The following TG variants were observed in gnomAD, a reference collection of about 807,000 sequenced individuals.
The protein encoded by TG is thyroid hormones.
Under a neutral mutation model 324.7 loss-of-function variants are expected in TG, and 270 were observed. The observed-to-expected ratio is 0.83, with a 90% CI of 0.75 to 0.92. TG has a LOEUF of 0.92. TG is among the 40% of genes least tolerant of loss of function. The pLI is 0.00. For missense variants in TG, 3,591 were observed against 3,456.4 expected, an observed-to-expected ratio of 1.04 and a Z score of -0.98; for synonymous variants, 1,401 against 1,327.0, an observed-to-expected ratio of 1.06 and a Z score of -1.21.
chr8:132,893,807 C>T lies in TG; in HGVS notation c.2879C>T (p.Ala960Val). The T allele has an allele frequency of 6.2e-7, 1 of 1,614,016 alleles. No homozygotes were observed. Among genetic ancestry groups the T allele is most frequent in the Non-Finnish European group, 8.5e-7 (1 of 1,179,932 alleles). Residue 960 changes from alanine (A) to valine (V), a missense_variant, in exon 11 of 48, where the codon GCC (alanine) becomes GTC (valine). Physicochemically the swap from Ala to Val is moderately conservative, Grantham distance 64. Coordinates refer to ENST00000220616, the MANE Select transcript of TG (RefSeq NM_003235.5). ...RFPLGESFLV[A>V]KGIRLRNEDL... The stretch of plus-strand genomic sequence containing the variant: ...CCTCTGGGGGAGAGTTTCCTGGTGG[C>T]CAAGGGAATCCGGCTGAGGAATGAG...
chr8:132,906,404 G>C lies in TG; in HGVS notation c.3635-284G>C, dbSNP rs561697991. On this transcript the variant is annotated intron_variant, in intron 16 of 47. Transcript: ENST00000220616. ...ACCAGGTGGTAACTAATTGGCTTTA[G>C]AGATGAGAAGAAGCTCGAGTGCCTG... 2.6e-5 allele frequency among the ~76,000 whole-genome samples: 4 copies of C among 152,226 alleles called. No individual in the cohort carries two copies. The East Asian group carries it at 7.8e-4, about 30-fold the overall frequency.
chr8:133,042,806 G>T (rs1173787967), intron 41 of TG, among the ~76,000 whole-genome samples: 1 of 144,290 alleles, frequency 6.9e-6, no homozygotes, highest in East Asian at 2.1e-4. Context: ...TGATTCCCCT[G>T]CCTCAGCCTT....
rs184897441 is a variant in TG, at chr8:132,931,062, G to A, written c.4816+1870G>A. Among the ~76,000 whole-genome samples, 147 of 152,332 alleles carry A rather than the reference G, an allele frequency of 9.6e-4. 1 individual carries two copies. Among genetic ancestry groups the A allele is most frequent in the Admixed American group, 5.4e-3 (83 of 15,302 alleles). ...CTTAAACAACAAAATGGATTTTCTT[G>A]TAATTCTGGAGGCCAGAAGTCCAGG... On this transcript the variant is annotated intron_variant, in intron 23 of 47. Transcript: ENST00000220616.
chr8:132,879,726 G>A (rs532260368), intron 5 of TG, among the ~76,000 whole-genome samples: 21 of 152,314 alleles, frequency 1.4e-4, no homozygotes, highest in Non-Finnish European at 2.4e-4. Context: ...TGAAGACAGG[G>A]TGATCTCCAA....
intron 41 of TG, among the ~76,000 whole-genome samples, chr8:133,064,801 T>G (rs1842831703): frequency 6.6e-6 from 1 of 152,226 alleles, no homozygotes; most frequent in Non-Finnish European, 1.5e-5. Flanking sequence ...CTTCCATTCC[T>G]GGGACAGTGT....
intron 41 of TG, among the ~76,000 whole-genome samples, chr8:133,075,523 T>C (rs1564157218): frequency 6.6e-6 from 1 of 152,244 alleles, no homozygotes; most frequent in Non-Finnish European, 1.5e-5. Context: ...GATAATACTG[T>C]TCCAGTCTTA....
At chr8:133,068,010 G>C (rs1216331552) in intron 41 of TG, among the ~76,000 whole-genome samples, 2 of 152,110 alleles carry the variant, frequency 1.3e-5, no homozygotes, top group Non-Finnish European at 2.9e-5. Context: ...AGATGAAAGG[G>C]AGTAGCTGCC....
chr8:133,066,733 T>C (rs907348503), intron 41 of TG, among the ~76,000 whole-genome samples: 7 of 152,208 alleles, frequency 4.6e-5, no homozygotes, highest in Non-Finnish European at 8.8e-5. Context: ...TGAGCCTTGA[T>C]TTTCAAATCC....
Position 133,029,858 on chromosome 8 carries a change from C to T in TG, c.7074C>T (p.Asp2358=), listed in dbSNP as rs1836456729. 6.2e-7 allele frequency: 1 copy of T among 1,614,198 alleles called. No individual in the cohort carries two copies. Among genetic ancestry groups the T allele is most frequent in the Non-Finnish European group, 8.5e-7 (1 of 1,180,014 alleles). ...TGAGTGGCAACTGGGGGCTGCTGGA[C>T]CAGGTGGCGGCTCTGACCTGGGTGC... ...GEVSGNWGLL[D]QVAALTWVQT... is the part of the protein sequence containing the mutation. The change falls in exon 41 of 48, where the codon GAC becomes GAT. Residue 2358 remains aspartate, a synonymous_variant. Coordinates refer to ENST00000220616, the MANE Select transcript of TG (RefSeq NM_003235.5).
chr8:132,971,753 A>C (rs1429969607), intron 32 of TG, 41 bp from the exon 33 acceptor site: 1 of 1,440,264 alleles, frequency 6.9e-7, no homozygotes, highest in Non-Finnish European at 9.8e-7. Context: ...CTGGGTCACC[A>C]GTGAAAACCT....
rs1828003358 is a variant in TG at position 132,963,100 on chromosome 8, C to T, written c.5548+26C>T. On this transcript the variant is annotated intron_variant, in intron 29 of 47. Transcript: ENST00000220616. ...GTACTGACCCCCAAACCTTCTTACA[C>T]ACTTGGGTGTCTGAATGCAGAGACT... 4.4e-6 allele frequency: 7 copies of T among 1,608,816 alleles called. No homozygotes were observed. In the South Asian group the frequency reaches 5.5e-5, roughly 13 times the overall value.
At chr8:132,898,995 C>A in intron 14 of TG, 85 bp downstream of exon 14, 1 of 1,210,278 alleles carries the variant, frequency 8.3e-7, no homozygotes, top group Non-Finnish European at 1.2e-6. Flanking sequence ...ATACGTTCAG[C>A]TTAGTTAAAA....
At chr8:132,927,297 A>G (rs987088349) in intron 22 of TG, among the ~76,000 whole-genome samples, 34 of 151,918 alleles carry the variant, frequency 2.2e-4, no homozygotes, top group Admixed American at 1.7e-3. Context: ...CATCCATTCA[A>G]TATACAGGAA....
At chr8:132,935,965 C>T in intron 25 of TG, 101 bp downstream of exon 25, 1 of 878,212 alleles carries the variant, frequency 1.1e-6, no homozygotes, top group Non-Finnish European at 1.9e-6. Context: ...GCCAGACTGT[C>T]CCGCTCCCCA....
At chr8:132,974,731 A>G (rs1392757067) in intron 34 of TG, among the ~76,000 whole-genome samples, 1 of 152,228 alleles carries the variant, frequency 6.6e-6, no homozygotes, top group Non-Finnish European at 1.5e-5. Flanking sequence ...ATAAACTAAC[A>G]AATCAAACCA....
At chr8:132,961,493 G>C (rs1827756599) in intron 28 of TG, among the ~76,000 whole-genome samples, 1 of 152,214 alleles carries the variant, frequency 6.6e-6, no homozygotes, top group South Asian at 2.1e-4. Flanking sequence ...CCTGCTCAGA[G>C]ATAATGCTAC....
intron 37 of TG, among the ~76,000 whole-genome samples, chr8:133,014,941 A>G (rs941072719): frequency 2.4e-4 from 37 of 152,140 alleles, no homozygotes; most frequent in African/African-American, 8.7e-4. Flanking sequence ...GCTGGAGTGC[A>G]GTTGCACAAT....
chr8:133,106,322 G>C (rs1849803437), intron 43 of TG: 2 of 827,302 alleles, frequency 2.4e-6, no homozygotes, highest in Non-Finnish European at 2.9e-6. Context: ...TGAGGGGCCA[G>C]TCGGCTCCTT....
chr8:133,093,453 C>T (rs1055894606), intron 41 of TG, among the ~76,000 whole-genome samples: 2 of 152,162 alleles, frequency 1.3e-5, no homozygotes, highest in African/African-American at 2.4e-5. Context: ...CCAGGAGACT[C>T]GGAGTTTGTC....
Sources: allele counts gnomAD v4.1 joint callset (sites outside exome capture counted in the v4.1 genomes callset), GRCh38; gene constraint gnomAD v4.1.1; transcripts MANE v1.5; gene names NCBI Gene and HGNC (gene_info 2026-07-23, HGNC 2026-07-21).